Variants in XAF1 observed in about 807,000 individuals in gnomAD.
XAF1 encodes XIAP associated factor 1, also known as XIAP-associated factor 1.
XAF1 carries 32 observed loss-of-function variants against 32.3 expected under a neutral mutation model. The observed-to-expected ratio is 0.99, with a 90% CI of 0.75 to 1.33. XAF1 has a LOEUF of 1.33. Among genes scored for constraint, XAF1 ranks in the 40% most tolerant of loss-of-function variants. The pLI is 0.00. For missense variants in XAF1, 379 were observed against 366.0 expected (o/e 1.04, Z -0.29); for synonymous variants, 120 against 125.9 (o/e 0.95, Z 0.31).
At position 6,756,105 on chromosome 17, in the gene XAF1, G is replaced by C. The variant is rs746811273; in HGVS notation, c.27G>C (p.Arg9Ser). Residue 9 changes from arginine to serine, a missense_variant, in exon 1 of 7, where the codon AGG becomes AGC. By Grantham distance (110) the Arg-to-Ser change is moderately radical. Transcript: ENST00000361842. MEGDFSVC[R>S]NCKRHVVSAN... Reference sequence around the variant, plus strand: ...TGGAAGGAGACTTCTCGGTGTGCAGGAACTGGTAAGAAAGTGCTTTCTCCA... The same window carrying C: ...TGGAAGGAGACTTCTCGGTGTGCAGCAACTGGTAAGAAAGTGCTTTCTCCA... The C allele has an allele frequency of 6.2e-7, 1 of 1,613,840 alleles. No homozygotes were observed. The highest frequency in any genetic ancestry group is 8.5e-7 in the Non-Finnish European group (1 of 1,179,992).
intron 5 of XAF1, among the ~76,000 whole-genome samples, chr17:6,770,191 T>A (rs1027150403): frequency 7.9e-5 from 12 of 152,196 alleles, no homozygotes; most frequent in African/African-American, 2.9e-4. Flanking sequence ...TTCTGAAGAC[T>A]GGGAAGTTCA....
At chr17:6,767,833 T>TTTA (rs2151552521) in intron 5 of XAF1, among the ~76,000 whole-genome samples, 1 of 152,330 alleles carries the variant, frequency 6.6e-6, no homozygotes, top group East Asian at 1.9e-4. Context: ...TCCTACTGAT[T>TTTA]CGTCAATTTT....
In XAF1 at chr17:6,760,454, G is replaced by A. The variant is rs1313121439; in HGVS notation, c.274G>A (p.Asp92Asn). The A allele has an allele frequency of 1.2e-6, 2 of 1,613,140 alleles. No individual in the cohort carries two copies. The highest frequency in any genetic ancestry group is 8.5e-7 in the Non-Finnish European group (1 of 1,179,656). The change falls in exon 4 of 7, where the codon GAC becomes AAC. Residue 92 changes from aspartate (D) to asparagine (N), a missense_variant. Asp to Asn is a conservative substitution (Grantham distance 23). Coordinates refer to ENST00000361842, the MANE Select transcript of XAF1 (RefSeq NM_017523.5). ...TGTTGAGTGTAAGTTCTGCAAACTG[G>A]ACATGCAGCTCAGCAAGCTGGAGCT... ...RPVECKFCKLDMQLSKLELHE... is the reference protein window; with the variant it reads ...RPVECKFCKLNMQLSKLELHE...
At chr17:6,758,614 T>G (rs536941959) in intron 2 of XAF1, 181 of 352,842 alleles carry the variant, frequency 5.1e-4, no homozygotes, top group Non-Finnish European at 8.7e-4. Flanking sequence ...GAGTGTTCAG[T>G]CCTCCCTGCA....
chr17:6,766,059 C>G (rs1975608942), intron 5 of XAF1, among the ~76,000 whole-genome samples: 1 of 152,130 alleles, frequency 6.6e-6, no homozygotes, highest in Admixed American at 6.5e-5. Context: ...GCTACTGCCT[C>G]TGGCTGGAAG....
intron 5 of XAF1, among the ~76,000 whole-genome samples, chr17:6,763,322 CCTTTT>C (rs1271133840): frequency 6.6e-6 from 1 of 151,954 alleles, no homozygotes; most frequent in African/African-American, 2.4e-5. Context: ...CTTTTAATGG[CCTTTT>C]CTTTTCTTTT....
intron 5 of XAF1, among the ~76,000 whole-genome samples, chr17:6,766,362 T>A (rs1567657515): frequency 6.6e-6 from 1 of 152,228 alleles, no homozygotes; most frequent in Non-Finnish European, 1.5e-5. Context: ...TGCTAACTAC[T>A]CCCCAGACAC....
chr17:6,769,174 T>G (rs1330927964), intron 5 of XAF1, among the ~76,000 whole-genome samples: 1 of 152,152 alleles, frequency 6.6e-6, no homozygotes, highest in Admixed American at 6.5e-5. Context: ...AGTTCATTCA[T>G]TCTTTCTTGG....
At chr17:6,756,331 C>A (rs180790657) in intron 1 of XAF1, 1 of 1,355,186 alleles carries the variant, frequency 7.4e-7, no homozygotes, top group Non-Finnish European at 9.6e-7. Context: ...AGCCCCTTTC[C>A]CCCAAATGTT....
chr17:6,756,560 T>G (rs1179203852), intron 1 of XAF1, among the ~76,000 whole-genome samples: 7 of 145,470 alleles, frequency 4.8e-5, no homozygotes, highest in South Asian at 2.2e-4. Context: ...AGCAGGGGGC[T>G]GGGACCACAC....
Position 6,773,113 on chromosome 17 carries a change from G to C in XAF1, c.850G>C (p.Glu284Gln). 12 of 1,602,968 alleles carry C rather than the reference G, an allele frequency of 7.5e-6. No individual in the cohort carries two copies. Among genetic ancestry groups the C allele is most frequent in the Non-Finnish European group, 1.0e-5 (12 of 1,176,720 alleles). ...LPLPILNQHQ[E>Q]KCRWLASSKG... ...AACTTTTTTTATATCCATTTCTTAGGAGAAATGCCGGTGGTTAGCTTCATC... is the reference window on the plus strand; with the variant it reads ...AACTTTTTTTATATCCATTTCTTAGCAGAAATGCCGGTGGTTAGCTTCATC... The change falls in exon 7 of 7, where the codon GAG becomes CAG. Residue 284 changes from glutamate (E) to glutamine (Q), a missense_variant and splice_region_variant. Glu to Gln is a conservative substitution (Grantham distance 29). Transcript: ENST00000361842.
Position 6,759,736 on chromosome 17 carries a change from T to C in XAF1, c.225+18T>C, listed in dbSNP as rs761756928. The C allele has an allele frequency of 1.2e-6, 2 of 1,613,978 alleles. No homozygotes were observed. Among genetic ancestry groups the C allele is most frequent in the South Asian group, 2.2e-5 (2 of 91,072 alleles). ...TTCATAAGGTAAGAGCCCCATGTGA[T>C]TTCTCCTTTACAGCCAAATAGACCA... On this transcript the variant is annotated intron_variant, in intron 3 of 6. Coordinates refer to ENST00000361842, the MANE Select transcript of XAF1 (RefSeq NM_017523.5).
At chr17:6,755,864 G>A, upstream of XAF1, 2 of 1,383,636 alleles carry the variant, frequency 1.4e-6, no homozygotes. Flanking sequence ...CAGCAGCAAA[G>A]AATGACGGCC....
At chr17:6,759,142 G>A in intron 2 of XAF1, 1 of 1,018,054 alleles carries the variant, frequency 9.8e-7, no homozygotes, top group Non-Finnish European at 1.2e-6. Flanking sequence ...AGGGCCATGG[G>A]AAGTCATTTA....
Position 6,770,871 on chromosome 17 carries a change from G to T in XAF1, c.736G>T (p.Glu246Ter), listed in dbSNP as rs762697785. 6.2e-7 allele frequency: 1 copy of T among 1,614,062 alleles called. No homozygotes were observed. The highest frequency in any genetic ancestry group is 1.7e-5 in the Admixed American group (1 of 60,006). ...AACCTTGGATCCACTTTTGATGTCA[G>T]AGCCCAAGCCCAGGACCAGCTCCCC... ...NKTLDPLLMS[E>*]PKPRTSSPRG... is the part of the protein sequence containing the mutation. Residue 246 changes from glutamate to a stop codon, truncating the protein, a stop_gained, in exon 6 of 7, where the codon GAG becomes TAG. Transcript: ENST00000361842. LOFTEE classifies it high-confidence loss of function.
At chr17:6,772,321 G>A (rs944962973) in intron 6 of XAF1, among the ~76,000 whole-genome samples, 2 of 151,794 alleles carry the variant, frequency 1.3e-5, no homozygotes, top group Non-Finnish European at 2.9e-5. Context: ...TGCAATGATT[G>A]TTTTGCTAAA....
At position 6,775,432 on chromosome 17, in the gene XAF1, A is replaced by AT. The variant is rs1431966596; in HGVS notation, c.*2263_*2264insT. On this transcript the variant is annotated 3_prime_UTR_variant, in exon 7 of 7. Coordinates refer to ENST00000361842, the MANE Select transcript of XAF1 (RefSeq NM_017523.5). Reference sequence around the variant, plus strand: ...CATGTGCCCCTGAACCTAAAAAAAAAGTTAAAAGAAAAACGTTTGGATTAT... The same window carrying AT: ...CATGTGCCCCTGAACCTAAAAAAAAATGTTAAAAGAAAAACGTTTGGATTAT... 1.3e-5 allele frequency: 2 copies of AT among 152,184 alleles called. No individual in the cohort carries two copies. Among genetic ancestry groups the AT allele is most frequent in the Non-Finnish European group, 2.9e-5 (2 of 68,024 alleles). The allele number at this position is 152,184 out of a possible 1,614,324, so 9.4% of individuals were successfully genotyped here. A position where few individuals can be genotyped will look rare whatever the true frequency, so the allele number is the denominator to read the frequency against.
At chr17:6,755,686 A>T (rs1974605689), upstream of XAF1, 4 of 1,050,992 alleles carry the variant, frequency 3.8e-6, no homozygotes, top group Non-Finnish European at 4.6e-6. Flanking sequence ...GAGGACCAGA[A>T]GGGAGCCGGA....
At chr17:6,755,772 G>T, upstream of XAF1, 1 of 1,184,444 alleles carries the variant, frequency 8.4e-7, no homozygotes, top group Non-Finnish European at 1.1e-6. Flanking sequence ...CAGCCAGCCA[G>T]GGTGAGGGAA....
Sources: gnomAD v4.1 joint callset for allele counts (sites outside exome capture counted in the v4.1 genomes callset) on GRCh38, gnomAD v4.1.1 for gene constraint, MANE v1.5 for transcripts, NCBI Gene and HGNC (gene_info 2026-07-23, HGNC 2026-07-21) for gene names.